The following TEX10 variants were observed in gnomAD, a reference collection of about 807,000 sequenced individuals.
TEX10 encodes testis expressed 10.
In TEX10, 24 loss-of-function variants were observed where a neutral mutation model predicts 104.4. The observed-to-expected ratio is 0.23, with a 90% CI of 0.17 to 0.32. TEX10 has a LOEUF of 0.32. TEX10 is among the 10% of genes least tolerant of loss of function. The probability of loss-of-function intolerance (pLI) is 1.00; values close to 1 mark genes in which losing one functional copy is unlikely to be tolerated. For missense variants in TEX10, 921 were observed against 1,083.9 expected, an observed-to-expected ratio of 0.85 and a Z score of 2.11; for synonymous variants, 396 against 393.4, an observed-to-expected ratio of 1.01 and a Z score of -0.08.
chr9:100,314,091 T>C (rs1465705050), intron 11 of TEX10, among the ~76,000 whole-genome samples: 618 of 25,116 alleles, frequency 0.025, 3 homozygotes, highest in African/African-American at 0.24. Flanking sequence ...AGATTTTTCT[T>C]TTTTTTTTTT....
At chr9:100,324,269 G>C (rs1834648305) in intron 9 of TEX10, among the ~76,000 whole-genome samples, 1 of 152,122 alleles carries the variant, frequency 6.6e-6, no homozygotes, top group Admixed American at 6.6e-5. Context: ...CTGACCTCAA[G>C]TGATCTGCCT....
In TEX10 at chr9:100,346,232, G is replaced by C; in HGVS notation, c.977C>G (p.Pro326Arg). Residue 326 changes from proline (P) to arginine (R), a missense_variant, in exon 4 of 15, where the codon CCA becomes CGA. Pro to Arg is a moderately radical substitution (Grantham distance 103). Coordinates refer to ENST00000374902, the MANE Select transcript of TEX10 (RefSeq NM_017746.4). ...TTCAACCCAGCATTCAATTAGCAAT[G>C]GAATTATTATCTCAATAAATCCTTT... ...NLKGFIEIII[P>R]LLIECWVEAV... The C allele has an allele frequency of 1.2e-6, 2 of 1,613,988 alleles. No homozygotes were observed. The highest frequency in any genetic ancestry group is 1.7e-6 in the Non-Finnish European group (2 of 1,179,924).
At chr9:100,342,999 A>G (rs936228624) in intron 4 of TEX10, among the ~76,000 whole-genome samples, 2 of 151,904 alleles carry the variant, frequency 1.3e-5, no homozygotes, top group Admixed American at 6.6e-5. Context: ...TACAAAAAAA[A>G]TTAGCTGGGC....
intron 4 of TEX10, among the ~76,000 whole-genome samples, chr9:100,345,030 C>T (rs948682248): frequency 6.6e-6 from 1 of 152,160 alleles, no homozygotes; most frequent in African/African-American, 2.4e-5. Context: ...TACATTCTTA[C>T]TGTCTCTAGC....
intron 4 of TEX10, among the ~76,000 whole-genome samples, chr9:100,345,695 T>C (rs148227581): frequency 2.2e-4 from 34 of 152,278 alleles, no homozygotes; most frequent in African/African-American, 8.2e-4. Context: ...CAATGTGGAA[T>C]AAATTGAAAG....
intron 7 of TEX10, 55 bp from the exon 8 acceptor site, chr9:100,328,017 T>C: frequency 1.5e-6 from 2 of 1,375,514 alleles, no homozygotes; most frequent in Non-Finnish European, 1.9e-6. Context: ...GGGAAATAAA[T>C]TTAAACAAAA....
chr9:100,346,205 G>C lies in TEX10; in HGVS notation c.1004C>G (p.Ala335Gly). The change falls in exon 4 of 15, where the codon GCT becomes GGT. Residue 335 changes from alanine to glycine, a missense_variant. Physicochemically the swap from Ala to Gly is moderately conservative, Grantham distance 60 (BLOSUM62 0). Around this residue, in one of 3 missense-constraint regions of TEX10, gnomAD observed 753 missense variants for 868.4 expected, o/e 0.87. Transcript: ENST00000374902. ...AGGAGTAGCTAGTTGTGGAGGTACA[G>C]CTTCAACCCAGCATTCAATTAGCAA... ...IPLLIECWVE[A>G]VPPQLATPVG... 6.2e-7 allele frequency: 1 copy of C among 1,614,006 alleles called. No homozygotes were observed. Among genetic ancestry groups the C allele is most frequent in the Non-Finnish European group, 8.5e-7 (1 of 1,179,938 alleles).
At chr9:100,323,366 C>G (rs1834621763) in intron 9 of TEX10, among the ~76,000 whole-genome samples, 1 of 152,096 alleles carries the variant, frequency 6.6e-6, no homozygotes. Context: ...ATATGTTCAC[C>G]CTATTTAAAA....
At position 100,320,262 on chromosome 9, in the gene TEX10, T is replaced by TAC; in HGVS notation, c.2202+1_2202+2dup. 1 of 1,598,148 alleles carries TAC rather than the reference T, an allele frequency of 6.3e-7. No individual in the cohort carries two copies. Among genetic ancestry groups the TAC allele is most frequent in the Non-Finnish European group, 8.5e-7 (1 of 1,173,842 alleles). ...ATTAGTTTCTTTTTAAATGAACTAT[T>TAC]ACCTCTGTTACATCCCAGTGGTGTA... On this transcript the variant is annotated splice_region_variant and intron_variant, in intron 11 of 14. Coordinates refer to ENST00000374902, the MANE Select transcript of TEX10 (RefSeq NM_017746.4).
At chr9:100,344,073 T>TA (rs1452852206) in intron 4 of TEX10, among the ~76,000 whole-genome samples, 1 of 152,170 alleles carries the variant, frequency 6.6e-6, no homozygotes, top group Non-Finnish European at 1.5e-5. Context: ...TTTTAAAAAA[T>TA]AAATAAATAA....
intron 1 of TEX10, among the ~76,000 whole-genome samples, chr9:100,351,363 T>TTAA (rs1453471900): frequency 2.1e-4 from 5 of 23,548 alleles, no homozygotes; most frequent in Admixed American, 9.4e-4. Flanking sequence ...ACCTTAGTCT[T>TTAA]AAAAAACAAA....
intron 12 of TEX10, among the ~76,000 whole-genome samples, chr9:100,309,299 G>A (rs182112923): frequency 2.6e-5 from 4 of 152,288 alleles, no homozygotes; most frequent in Admixed American, 2.6e-4. Flanking sequence ...TGTATGCATT[G>A]TCATTAAGGT....
rs1157443805 is a variant in TEX10, at chr9:100,346,152, G to A, written c.1057C>T (p.Leu353=). 6.2e-7 allele frequency: 1 copy of A among 1,613,992 alleles called. No homozygotes were observed. The highest frequency in any genetic ancestry group is 1.1e-5 in the South Asian group (1 of 91,082). ...TTAAGAACTTGCTGCATAACCTGTA[G>A]AGGTTCTCGTTCTATACCATTCCCA... ...PVGNGIEREP[L]QVMQQVLNII... is the part of the protein sequence containing the mutation. The change falls in exon 4 of 15, where the codon CTA becomes TTA. Residue 353 remains leucine, a synonymous_variant. Coordinates refer to ENST00000374902, the MANE Select transcript of TEX10 (RefSeq NM_017746.4).
At position 100,329,980 on chromosome 9, in the gene TEX10, G is replaced by A; in HGVS notation, c.1440C>T (p.Asn480=). Residue 480 remains asparagine (N), a synonymous_variant, in exon 6 of 15, where the codon AAC becomes AAT. Coordinates refer to ENST00000374902, the MANE Select transcript of TEX10 (RefSeq NM_017746.4). ...ACCTCCAGGATACTCCCAGCAATCT[G>A]TTCAGTTGCTTACTATTTAGCCTAG... is the stretch of plus-strand genomic sequence containing the variant. ...DGSRLNSKQL[N]RLLGVSWRLM... 4.3e-6 allele frequency: 7 copies of A among 1,614,044 alleles called. No homozygotes were observed. The highest frequency in any genetic ancestry group is 5.9e-6 in the Non-Finnish European group (7 of 1,179,982).
At chr9:100,322,875 C>G (rs867652091) in intron 9 of TEX10, among the ~76,000 whole-genome samples, 4 of 152,134 alleles carry the variant, frequency 2.6e-5, no homozygotes, top group Admixed American at 6.6e-5. Flanking sequence ...CTCGGTCTCC[C>G]AGAGTTCTGG....
At chr9:100,334,139 C>G (rs1216457266) in intron 5 of TEX10, among the ~76,000 whole-genome samples, 1 of 151,862 alleles carries the variant, frequency 6.6e-6, no homozygotes, top group East Asian at 1.9e-4. Context: ...ACATTTCATT[C>G]AAGATTCAAG....
At chr9:100,317,475 T>C (rs909106463) in intron 11 of TEX10, among the ~76,000 whole-genome samples, 1 of 152,028 alleles carries the variant, frequency 6.6e-6, no homozygotes, top group African/African-American at 2.4e-5. Context: ...TCTTACAATA[T>C]ACAAAAATCA....
At chr9:100,314,801 C>T (rs961536120) in intron 11 of TEX10, among the ~76,000 whole-genome samples, 2 of 152,092 alleles carry the variant, frequency 1.3e-5, no homozygotes, top group African/African-American at 4.8e-5. Flanking sequence ...TGAAGTGCAA[C>T]GTTAGGTTGC....
At chr9:100,302,359 T>C (rs1834008987) in intron 14 of TEX10, 55 bp from the exon 15 acceptor site, 1 of 1,277,040 alleles carries the variant, frequency 7.8e-7, no homozygotes, top group South Asian at 1.3e-5. Flanking sequence ...CTATGCTACC[T>C]GACAGTATTT....
Sources: allele counts gnomAD v4.1 joint callset (sites outside exome capture counted in the v4.1 genomes callset), GRCh38; gene constraint gnomAD v4.1.1; regional missense constraint gnomAD v4.1.1; transcripts MANE v1.5; gene names NCBI Gene and HGNC (gene_info 2026-07-23, HGNC 2026-07-21).